Variants in NIPBL observed in about 807,000 individuals in gnomAD.
NIPBL encodes the protein nipped-B-like protein.
Under a neutral mutation model 321.8 loss-of-function variants are expected in NIPBL, and 19 were observed. The observed-to-expected ratio is 0.06, with a 90% CI of 0.04 to 0.09. The LOEUF is 0.09. NIPBL is among the 10% of genes least tolerant of loss of function. NIPBL has a pLI of 1.00. For missense variants in NIPBL, 2,210 were observed against 3,327.0 expected, an observed-to-expected ratio of 0.66 and a Z score of 8.26; for synonymous variants, 1,106 against 1,114.1, an observed-to-expected ratio of 0.99 and a Z score of 0.14.
chr5:36,934,804 A>C (rs1750035279), intron 1 of NIPBL, among the ~76,000 whole-genome samples: 1 of 151,668 alleles, frequency 6.6e-6, no homozygotes, highest in Non-Finnish European at 1.5e-5. Flanking sequence ...AGCTATAGGT[A>C]GACCTAAGTA....
In NIPBL at chr5:37,021,192, G is replaced by T. The variant is rs13183090; in HGVS notation, c.5328+315G>T. ...CACATGCCTGTAATCCCAGCTACTC[G>T]GGAGGCTGAGGCCGGAGAATTGCTT... On this transcript the variant is annotated intron_variant, in intron 27 of 46. Transcript: ENST00000282516. 0.13 allele frequency among the ~76,000 whole-genome samples: 20,345 copies of T among 151,930 alleles called. 1,698 individuals carry two copies. Among genetic ancestry groups the T allele is most frequent in the East Asian group, 0.31 (1,586 of 5,124 alleles).
intron 1 of NIPBL, among the ~76,000 whole-genome samples, chr5:36,932,791 T>G (rs1035016063): frequency 1.3e-5 from 2 of 149,006 alleles, no homozygotes; most frequent in East Asian, 1.9e-4. Flanking sequence ...TTTTTTTTTT[T>G]TTTTTTTTTT....
intron 1 of NIPBL, among the ~76,000 whole-genome samples, chr5:36,944,560 A>T (rs1314967937): frequency 1.3e-5 from 2 of 152,144 alleles, no homozygotes; most frequent in Admixed American, 6.5e-5. Flanking sequence ...ACATACTTTT[A>T]TAATTTAATA....
chr5:36,942,432 TAAAAAAAAAAAAA>T (rs33935189), intron 1 of NIPBL, among the ~76,000 whole-genome samples: 7 of 59,792 alleles, frequency 1.2e-4, no homozygotes, highest in African/African-American at 3.4e-4. Context: ...ACTCTGTCTT[TAAAAAAAAAAAAA>T]AAAAAAAAAA....
At chr5:36,934,368 A>G (rs974644345) in intron 1 of NIPBL, among the ~76,000 whole-genome samples, 13 of 152,270 alleles carry the variant, frequency 8.5e-5, no homozygotes, top group Middle Eastern at 3.4e-3. Context: ...TGCATCTAAT[A>G]CAGAAATTCA....
intron 9 of NIPBL, among the ~76,000 whole-genome samples, chr5:36,980,070 A>T (rs1000733716): frequency 1.3e-5 from 2 of 151,754 alleles, no homozygotes; most frequent in Non-Finnish European, 3.0e-5. Context: ...TTCTACTTAT[A>T]AAAATGGAAT....
chr5:37,029,685 TC>T (rs1346574600), intron 32 of NIPBL, among the ~76,000 whole-genome samples: 1 of 152,242 alleles, frequency 6.6e-6, no homozygotes, highest in Non-Finnish European at 1.5e-5. Flanking sequence ...GTATGAAAGT[TC>T]CGGTTGCTCC....
At chr5:36,991,063 C>T (rs1745453554) in intron 10 of NIPBL, among the ~76,000 whole-genome samples, 1 of 151,966 alleles carries the variant, frequency 6.6e-6, no homozygotes, top group African/African-American at 2.4e-5. Flanking sequence ...TGAATACCTA[C>T]TAGTATTACA....
At chr5:37,007,625 T>G (rs2149678288) in intron 18 of NIPBL, 151 bp downstream of exon 18, 1 of 600,282 alleles carries the variant, frequency 1.7e-6, no homozygotes, top group Non-Finnish European at 2.9e-6. Flanking sequence ...AAATAAAACT[T>G]CAGGAGTTTT....
intron 32 of NIPBL, among the ~76,000 whole-genome samples, chr5:37,028,683 T>C (rs1750605393): frequency 1.3e-5 from 2 of 152,130 alleles, no homozygotes; most frequent in South Asian, 4.1e-4. Flanking sequence ...ATTATCTCAT[T>C]CATAAATACT....
intron 1 of NIPBL, among the ~76,000 whole-genome samples, chr5:36,944,847 G>T (rs571765949): frequency 9.9e-5 from 15 of 151,968 alleles, no homozygotes; most frequent in Non-Finnish European, 1.8e-4. Flanking sequence ...CCTTTTCCTT[G>T]TATATTGCAG....
intron 1 of NIPBL, among the ~76,000 whole-genome samples, chr5:36,883,191 G>A (rs543869425): frequency 3.8e-4 from 57 of 151,716 alleles, no homozygotes; most frequent in Non-Finnish European, 6.9e-4. Flanking sequence ...TCCCAAGAAT[G>A]CATTGAATTT....
At chr5:36,997,619 G>C (rs1355611163) in intron 11 of NIPBL, among the ~76,000 whole-genome samples, 1 of 152,178 alleles carries the variant, frequency 6.6e-6, no homozygotes, top group Non-Finnish European at 1.5e-5. Flanking sequence ...CACACTGCTA[G>C]AAGAAAGGAA....
intron 34 of NIPBL, among the ~76,000 whole-genome samples, chr5:37,042,888 C>T (rs1402731401): frequency 7.0e-6 from 1 of 143,282 alleles, no homozygotes; most frequent in Admixed American, 7.2e-5. Flanking sequence ...AGCCTTACTA[C>T]ACACACGCGC....
chr5:36,932,789 T>G lies in NIPBL; in HGVS notation c.-79-20829T>G, dbSNP rs1291856394. 4.7e-5 allele frequency among the ~76,000 whole-genome samples: 7 copies of G among 148,794 alleles called. No individual in the cohort carries two copies. The South Asian group carries it at 6.4e-4, about 14-fold the overall frequency. Reference sequence around the variant, plus strand: ...TAAATTCCTCTGCTGTTTTTTTTTTTTTTTTTTTTTTTTTAAAGAACAGGA... The same window carrying G: ...TAAATTCCTCTGCTGTTTTTTTTTTGTTTTTTTTTTTTTTAAAGAACAGGA... On this transcript the variant is annotated intron_variant, in intron 1 of 46. Transcript: ENST00000282516.
intron 1 of NIPBL, among the ~76,000 whole-genome samples, chr5:36,900,056 A>G (rs570791718): frequency 6.6e-6 from 1 of 152,308 alleles, no homozygotes; most frequent in South Asian, 2.1e-4. Context: ...AATGATGGCC[A>G]GTATTTGTCA....
At chr5:36,995,429 G>C (rs934096153) in intron 10 of NIPBL, 193 bp from the exon 11 acceptor site, 3 of 489,974 alleles carry the variant, frequency 6.1e-6, no homozygotes, top group African/African-American at 5.9e-5. Flanking sequence ...ATAATTATAT[G>C]TATATATGTA....
chr5:37,004,235 T>C (rs184596648), intron 16 of NIPBL, among the ~76,000 whole-genome samples: 1 of 152,334 alleles, frequency 6.6e-6, no homozygotes, highest in Non-Finnish European at 1.5e-5. Flanking sequence ...GGTTTATTAA[T>C]TGAGTGAAGC....
Position 36,977,515 on chromosome 5 carries a change from A to G in NIPBL, c.1495+1113A>G, listed in dbSNP as rs542307839. Among the ~76,000 whole-genome samples the G allele has an allele frequency of 2.6e-5, 4 of 152,052 alleles. No homozygotes were observed. The South Asian group carries it at 8.3e-4, about 32-fold the overall frequency. ...ATTGTTGTACTACAATGTTTGCAACATATGTAAATCAGAAATAGATGCAAA... is the reference window on the plus strand; with the variant it reads ...ATTGTTGTACTACAATGTTTGCAACGTATGTAAATCAGAAATAGATGCAAA... On this transcript the variant is annotated intron_variant, in intron 9 of 46. Transcript: ENST00000282516.
Sources: gnomAD v4.1 joint callset for allele counts (sites outside exome capture counted in the v4.1 genomes callset) on GRCh38, gnomAD v4.1.1 for gene constraint, MANE v1.5 for transcripts, NCBI Gene and HGNC (gene_info 2026-07-23, HGNC 2026-07-21) for gene names.